The following FHIP1A variants were observed in gnomAD, a reference collection of about 807,000 sequenced individuals.
FHIP1A encodes the protein FHF complex subunit HOOK-interacting protein 1A.
A neutral mutation model predicts 88.6 loss-of-function variants in FHIP1A; 61 were observed. The observed-to-expected ratio is 0.69, with a 90% CI of 0.56 to 0.85. FHIP1A has a LOEUF of 0.85. Among genes scored for constraint, FHIP1A ranks in the 40% least tolerant of loss-of-function variants. The pLI is 0.00. For synonymous variants in FHIP1A, 478 were observed against 496.0 expected, an observed-to-expected ratio of 0.96 and a Z score of 0.48; for missense variants, 1,154 against 1,273.5, an observed-to-expected ratio of 0.91 and a Z score of 1.43.
intron 3 of FHIP1A, among the ~76,000 whole-genome samples, chr4:151,498,244 T>C (rs968616933): frequency 1.3e-5 from 2 of 152,200 alleles, no homozygotes; most frequent in Non-Finnish European, 2.9e-5. Context: ...GTGCAGAGAT[T>C]GAGGAACCCT....
At position 151,495,273 on chromosome 4, in the gene FHIP1A, C is replaced by T. The variant is rs1381352915; in HGVS notation, c.-123+12625C>T. ...ATCCCAGAACTTTGGGAGGCCAAGG[C>T]GGGCAGTTCATCTGAGGTCAGGAGT... On this transcript the variant is annotated intron_variant, in intron 3 of 13. Coordinates refer to ENST00000435205, the MANE Select transcript of FHIP1A (RefSeq NM_001109977.3). Among the ~76,000 whole-genome samples the T allele has an allele frequency of 4.6e-5, 7 of 152,176 alleles. No individual in the cohort carries two copies. The East Asian group carries it at 9.7e-4, about 21-fold the overall frequency.
intron 7 of FHIP1A, among the ~76,000 whole-genome samples, chr4:151,596,223 G>C (rs1465004598): frequency 6.6e-6 from 1 of 152,158 alleles, no homozygotes; most frequent in Non-Finnish European, 1.5e-5. Flanking sequence ...AGGCCTGGTG[G>C]TGACAAAATC....
chr4:151,440,578 A>G (rs1225686899), intron 1 of FHIP1A, among the ~76,000 whole-genome samples: 1 of 152,078 alleles, frequency 6.6e-6, no homozygotes. Flanking sequence ...CCACACCTAG[A>G]ACAGAAAAAT....
At chr4:151,630,487 G>T (rs1202307659) in intron 8 of FHIP1A, among the ~76,000 whole-genome samples, 1 of 152,178 alleles carries the variant, frequency 6.6e-6, no homozygotes, top group Non-Finnish European at 1.5e-5. Context: ...AAGGGGGGAA[G>T]AGGGAATAGA....
At chr4:151,627,200 A>G (rs1442734327) in intron 7 of FHIP1A, among the ~76,000 whole-genome samples, 1 of 152,220 alleles carries the variant, frequency 6.6e-6, no homozygotes. Flanking sequence ...TGTTATATAA[A>G]TGCTGTCCCT....
At chr4:151,589,407 A>G (rs1209701881) in intron 7 of FHIP1A, among the ~76,000 whole-genome samples, 2 of 150,900 alleles carry the variant, frequency 1.3e-5, no homozygotes, top group Non-Finnish European at 3.0e-5. Context: ...TTAAGGTCCC[A>G]TCAAATGTTG....
intron 1 of FHIP1A, among the ~76,000 whole-genome samples, chr4:151,432,919 A>C (rs1733648934): frequency 6.6e-6 from 1 of 152,256 alleles, no homozygotes. Flanking sequence ...AGAGGACTAG[A>C]AAGTGCTTCC....
intron 1 of FHIP1A, among the ~76,000 whole-genome samples, chr4:151,452,415 A>C (rs184077739): frequency 1.2e-3 from 176 of 152,200 alleles, no homozygotes; most frequent in Non-Finnish European, 1.9e-3. Context: ...TTTAAATGTA[A>C]ATTTTTCTGG....
intron 1 of FHIP1A, among the ~76,000 whole-genome samples, 199 bp downstream of exon 1, chr4:151,409,664 G>A (rs1732524972): frequency 6.6e-6 from 1 of 152,072 alleles, no homozygotes; most frequent in East Asian, 1.9e-4. Flanking sequence ...TCGGGCGGGG[G>A]CGCAGGGGGG....
At chr4:151,628,541 G>A (rs995511043) in intron 7 of FHIP1A, among the ~76,000 whole-genome samples, 3 of 152,124 alleles carry the variant, frequency 2.0e-5, no homozygotes, top group African/African-American at 7.2e-5. Flanking sequence ...AAAAGGAATG[G>A]CCCAGTAACC....
intron 7 of FHIP1A, among the ~76,000 whole-genome samples, chr4:151,616,444 CTTTT>C (rs763599410): frequency 1.8e-5 from 2 of 113,388 alleles, no homozygotes; most frequent in Non-Finnish European, 1.9e-5. Context: ...TTCTTTCTTT[CTTTT>C]TTTTTTTTTT....
Position 151,588,868 on chromosome 4 carries a change from T to C in FHIP1A, c.920T>C (p.Leu307Pro). 1 of 1,551,438 alleles carries C rather than the reference T, an allele frequency of 6.4e-7. No homozygotes were observed. The highest frequency in any genetic ancestry group is 8.7e-7 in the Non-Finnish European group (1 of 1,146,800). Reference sequence around the variant, plus strand: ...GCTCACCCCTTGATTCGAAATCAGCTTGTCAATTACATTTACAATGGATTT... The same window carrying C: ...GCTCACCCCTTGATTCGAAATCAGCCTGTCAATTACATTTACAATGGATTT... ...QVAHPLIRNQ[L>P]VNYIYNGFLV... Residue 307 changes from leucine to proline, a missense_variant, in exon 7 of 14, where the codon CTT (leucine) becomes CCT (proline). Coordinates refer to ENST00000435205, the MANE Select transcript of FHIP1A (RefSeq NM_001109977.3).
chr4:151,583,281 C>T (rs1734090616), intron 5 of FHIP1A, among the ~76,000 whole-genome samples: 1 of 152,184 alleles, frequency 6.6e-6, no homozygotes, highest in South Asian at 2.1e-4. Flanking sequence ...GTTTCTTTGC[C>T]ATTCTGAAGG....
chr4:151,554,736 G>A (rs1038196549), intron 3 of FHIP1A, among the ~76,000 whole-genome samples: 2 of 152,090 alleles, frequency 1.3e-5, no homozygotes, highest in South Asian at 2.1e-4. Context: ...TTTAGCCCAC[G>A]CAGGTGGAAT....
intron 1 of FHIP1A, among the ~76,000 whole-genome samples, chr4:151,420,800 AG>A (rs1052119465): frequency 6.6e-6 from 1 of 152,228 alleles, no homozygotes; most frequent in African/African-American, 2.4e-5. Context: ...AGATCAACCT[AG>A]GGAAGGAAAG....
At chr4:151,410,063 A>C (rs1732552187) in intron 1 of FHIP1A, among the ~76,000 whole-genome samples, 2 of 152,090 alleles carry the variant, frequency 1.3e-5, no homozygotes, top group Non-Finnish European at 2.9e-5. Context: ...TCCCTTGTTA[A>C]CTCCGCTTCT....
At chr4:151,506,012 T>C (rs183593267) in intron 3 of FHIP1A, among the ~76,000 whole-genome samples, 4 of 152,332 alleles carry the variant, frequency 2.6e-5, no homozygotes, top group Admixed American at 1.3e-4. Context: ...AACTTCGAAC[T>C]CCTGAGCTCA....
At chr4:151,448,903 A>G (rs533938893) in intron 1 of FHIP1A, among the ~76,000 whole-genome samples, 4 of 152,224 alleles carry the variant, frequency 2.6e-5, no homozygotes, top group African/African-American at 9.6e-5. Context: ...TACCGGCTGT[A>G]CTATTTTACA....
rs547190422 is a variant in FHIP1A, at chr4:151,578,257, G to A, written c.732+181G>A. Among the ~76,000 whole-genome samples the A allele has an allele frequency of 3.9e-5, 6 of 152,232 alleles. No individual in the cohort carries two copies. The South Asian group carries it at 1.2e-3, about 32-fold the overall frequency. On this transcript the variant is annotated intron_variant, in intron 5 of 13. Transcript: ENST00000435205. ...ACGAATCTAAGTTGAGACGCTATTT[G>A]GCTGAGCAGCATCAGCTCATCATAA...
Sources: allele counts gnomAD v4.1 joint callset (sites outside exome capture counted in the v4.1 genomes callset), GRCh38; gene constraint gnomAD v4.1.1; transcripts MANE v1.5; gene names NCBI Gene and HGNC (gene_info 2026-07-23, HGNC 2026-07-21).